NTN1: variants seen among roughly 807,000 people sequenced by gnomAD.
The protein encoded by NTN1 is netrin 1, also known as netrin-1.
NTN1 carries 11 observed loss-of-function variants against 54.2 expected under a neutral mutation model. The observed-to-expected ratio is 0.20, with a 90% CI of 0.13 to 0.34. The LOEUF is 0.34. NTN1 is among the 10% of genes least tolerant of loss of function. NTN1 has a pLI of 1.00. For synonymous variants in NTN1, 371 were observed against 382.0 expected, an observed-to-expected ratio of 0.97 and a Z score of 0.33; for missense variants, 740 against 893.1, an observed-to-expected ratio of 0.83 and a Z score of 2.18.
intron 2 of NTN1, among the ~76,000 whole-genome samples, chr17:9,106,628 C>T (rs1023618304): frequency 7.9e-5 from 12 of 152,114 alleles, no homozygotes; most frequent in Non-Finnish European, 1.6e-4. Context: ...ATTCTCCTGC[C>T]TCAGCCTCCC....
chr17:9,110,612 G>A (rs2092187155), intron 2 of NTN1, among the ~76,000 whole-genome samples: 1 of 152,110 alleles, frequency 6.6e-6, no homozygotes, highest in African/African-American at 2.4e-5. Flanking sequence ...TAGCTTCCTA[G>A]GGCCGTTCTA....
upstream of NTN1, among the ~76,000 whole-genome samples, chr17:9,017,851 G>A: frequency 6.6e-6 from 1 of 152,178 alleles, no homozygotes; most frequent in East Asian, 1.9e-4. Flanking sequence ...GGCTGCGTTA[G>A]GAAAGGACAC....
intron 2 of NTN1, among the ~76,000 whole-genome samples, chr17:9,130,831 C>T (rs1020645536): frequency 6.6e-6 from 1 of 152,200 alleles, no homozygotes; most frequent in Non-Finnish European, 1.5e-5. Flanking sequence ...CACCTTGCAA[C>T]GCCTGGTGGC....
At chr17:9,018,623 T>TA (rs57153983), upstream of NTN1, among the ~76,000 whole-genome samples, 653 of 112,428 alleles carry the variant, frequency 5.8e-3, 5 homozygotes, top group African/African-American at 0.019. Context: ...GACTCCATCT[T>TA]AAAAAAAAAA....
At chr17:9,100,641 T>C (rs2092147650) in intron 2 of NTN1, among the ~76,000 whole-genome samples, 1 of 152,214 alleles carries the variant, frequency 6.6e-6, no homozygotes. Context: ...GTAAGAACTA[T>C]ATCATGTGTA....
intron 5 of NTN1, among the ~76,000 whole-genome samples, chr17:9,196,084 G>C (rs925305178): frequency 5.9e-5 from 9 of 152,038 alleles, no homozygotes; most frequent in African/African-American, 2.2e-4. Flanking sequence ...CTGCTTTGGA[G>C]GCCACTTTGG....
intron 4 of NTN1, among the ~76,000 whole-genome samples, chr17:9,180,524 A>G (rs1475720415): frequency 6.6e-6 from 1 of 152,078 alleles, no homozygotes; most frequent in East Asian, 1.9e-4. Flanking sequence ...GGGAAAAGCA[A>G]GCCCCTCTCC....
chr17:9,153,381 A>G (rs1478219411), intron 2 of NTN1, among the ~76,000 whole-genome samples: 1 of 152,166 alleles, frequency 6.6e-6, no homozygotes, highest in Non-Finnish European at 1.5e-5. Flanking sequence ...CCTGGGAGGC[A>G]GAGCTTGCGG....
intron 2 of NTN1, among the ~76,000 whole-genome samples, chr17:9,100,505 G>A (rs752709107): frequency 1.1e-4 from 16 of 151,652 alleles, no homozygotes; most frequent in Non-Finnish European, 1.9e-4. Flanking sequence ...GTTTCACCAT[G>A]TTGGCCAGGA....
intron 2 of NTN1, among the ~76,000 whole-genome samples, chr17:9,042,530 T>C (rs1431612722): frequency 1.3e-5 from 2 of 149,202 alleles, no homozygotes; most frequent in Non-Finnish European, 3.0e-5. Flanking sequence ...GGCTCACGCC[T>C]GTAATCCCAC....
chr17:9,008,072 C>T, the NTN1 span, among the ~76,000 whole-genome samples: 2 of 151,990 alleles, frequency 1.3e-5, no homozygotes, highest in Non-Finnish European at 2.9e-5. Flanking sequence ...ATCTATCTGA[C>T]CCTGAGCTGA....
intron 6 of NTN1, among the ~76,000 whole-genome samples, chr17:9,223,195 A>G (rs733532): frequency 0.059 from 8,988 of 152,228 alleles, 724 homozygotes; most frequent in East Asian, 0.43. Flanking sequence ...GAAACTTGCA[A>G]TTACTTTAAG....
chr17:9,191,689 C>G (rs1393779721), intron 5 of NTN1, among the ~76,000 whole-genome samples: 1 of 151,918 alleles, frequency 6.6e-6, no homozygotes, highest in African/African-American at 2.4e-5. Context: ...GCATAGGAAG[C>G]ATTAAACTTA....
intron 6 of NTN1, among the ~76,000 whole-genome samples, chr17:9,233,321 C>CCGAATAACCGGGGAAA (rs1905878208): frequency 6.6e-6 from 1 of 152,088 alleles, no homozygotes; most frequent in Admixed American, 6.5e-5. Flanking sequence ...CTGGGCCTTT[C>CCGAATAACCGGGGAAA]CCGCCCTGTG....
chr17:9,032,779 C>T (rs141134227), intron 2 of NTN1, among the ~76,000 whole-genome samples: 37 of 152,214 alleles, frequency 2.4e-4, no homozygotes, highest in African/African-American at 7.7e-4. Flanking sequence ...TTCCTCTCCC[C>T]GAAGCCAGAC....
At chr17:9,056,309 G>A (rs2091979282) in intron 2 of NTN1, among the ~76,000 whole-genome samples, 1 of 152,168 alleles carries the variant, frequency 6.6e-6, no homozygotes, top group South Asian at 2.1e-4. Flanking sequence ...TGCCTGCCTT[G>A]GCCTCCCAAA....
At chr17:9,195,766 C>A (rs1904617299) in intron 5 of NTN1, among the ~76,000 whole-genome samples, 1 of 152,196 alleles carries the variant, frequency 6.6e-6, no homozygotes, top group African/African-American at 2.4e-5. Flanking sequence ...GCAGAATCTT[C>A]ACAGCCACTG....
the NTN1 span, among the ~76,000 whole-genome samples, chr17:9,006,322 G>A: frequency 6.6e-6 from 1 of 152,200 alleles, no homozygotes; most frequent in Non-Finnish European, 1.5e-5. Context: ...CTCCAGAAAG[G>A]TCAGCTTGGT....
intron 2 of NTN1, among the ~76,000 whole-genome samples, chr17:9,114,158 A>ATATATATATATAT (rs1224438013): frequency 3.2e-5 from 3 of 95,058 alleles, no homozygotes; most frequent in African/African-American, 1.3e-4. Context: ...AAAAAGAAAA[A>ATATATATATATAT]AAAAAAAAAT....
Sources: allele counts gnomAD v4.1 joint callset (sites outside exome capture counted in the v4.1 genomes callset), GRCh38; gene constraint gnomAD v4.1.1; transcripts MANE v1.5; gene names NCBI Gene and HGNC (gene_info 2026-07-23, HGNC 2026-07-21).